The following CLDN14 variants were observed in gnomAD, a reference collection of about 807,000 sequenced individuals.
CLDN14 encodes the protein claudin 14, also known as claudin-14.
Under a neutral mutation model 2.1 loss-of-function variants are expected in CLDN14, and 2 were observed. The ratio of observed to expected loss-of-function variants is 0.96; its 90% confidence interval spans 0.39 to 3.01. The LOEUF (loss-of-function observed/expected upper bound fraction) is 3.01, where lower values mean the gene tolerates loss of function less well. Ranked by LOEUF, CLDN14 falls within the 30% of genes most tolerant of loss-of-function variation. The pLI, the probability that CLDN14 is intolerant of heterozygous loss-of-function variation, is 0.09. For missense variants in CLDN14, 298 were observed against 328.0 expected, an observed-to-expected ratio of 0.91 and a Z score of 0.71; for synonymous variants, 136 against 154.4, an observed-to-expected ratio of 0.88 and a Z score of 0.88.
At chr21:36,534,541 A>G (rs1412493046) in intron 1 of CLDN14, among the ~76,000 whole-genome samples, 1 of 152,170 alleles carries the variant, frequency 6.6e-6, no homozygotes, top group East Asian at 1.9e-4. Flanking sequence ...TTCCATATCA[A>G]CATGCCTTGT....
upstream of CLDN14, chr21:36,480,813 G>A (rs966837652): frequency 5.3e-5 from 8 of 152,098 alleles, no homozygotes; most frequent in African/African-American, 1.7e-4. Context: ...GTCTTCCACA[G>A]TGTGCATCAA....
upstream of CLDN14, among the ~76,000 whole-genome samples, chr21:36,482,910 G>A (rs1162564919): frequency 6.6e-6 from 1 of 152,212 alleles, no homozygotes; most frequent in Non-Finnish European, 1.5e-5. Context: ...AGCATTCTTT[G>A]TGTGCTAGCT....
intron 1 of CLDN14, among the ~76,000 whole-genome samples, chr21:36,522,492 C>G (rs947160976): frequency 6.6e-6 from 1 of 152,196 alleles, no homozygotes; most frequent in African/African-American, 2.4e-5. Context: ...CAGGAATTCC[C>G]TCCCCTCCAT....
Position 36,499,119 on chromosome 21 carries a change from T to C in CLDN14, c.-82+11244A>G, listed in dbSNP as rs1475509755. Among the ~76,000 whole-genome samples the C allele has an allele frequency of 6.6e-6, 1 of 152,136 alleles. No individual in the cohort carries two copies. Among genetic ancestry groups the C allele is most frequent in the Non-Finnish European group, 1.5e-5 (1 of 68,026 alleles). Reference sequence around the variant, plus strand: ...TTGAAGGAGGAGTAGAGAGATGATATCATTGACCACAGGACTCAAGAAATA... The same window carrying C: ...TTGAAGGAGGAGTAGAGAGATGATACCATTGACCACAGGACTCAAGAAATA... On this transcript the variant is annotated intron_variant, in intron 2 of 2. Coordinates refer to the CLDN14 transcript ENST00000342108. This position sits in a 1 kb window ranked among gnomAD's most constrained non-coding sequence, Gnocchi z 4.7.
intron 1 of CLDN14, among the ~76,000 whole-genome samples, chr21:36,562,143 G>A (rs1461414276): frequency 6.6e-6 from 1 of 152,172 alleles, no homozygotes; most frequent in Admixed American, 6.5e-5. Flanking sequence ...TGTATTCATA[G>A]GGGTAATGTC....
chr21:36,532,007 G>T (rs1425818865), intron 1 of CLDN14: 1 of 152,198 alleles, frequency 6.6e-6, no homozygotes, highest in Non-Finnish European at 1.5e-5. Flanking sequence ...TCATGGAAAA[G>T]TCACAGTGGC....
intron 1 of CLDN14, among the ~76,000 whole-genome samples, chr21:36,554,591 G>A (rs2087585375): frequency 6.6e-6 from 1 of 152,194 alleles, no homozygotes; most frequent in African/African-American, 2.4e-5. Context: ...TATGGGGAAG[G>A]CAAGGCACAG....
chr21:36,553,763 T>C lies in CLDN14; in HGVS notation c.-220+22648A>G, dbSNP rs1321133228. 2.6e-5 allele frequency among the ~76,000 whole-genome samples: 4 copies of C among 152,004 alleles called. No homozygotes were observed. The East Asian group carries it at 7.8e-4, about 30-fold the overall frequency. ...TCAGCAGCACCTGCCAAGAAGATAT[T>C]CTTACTCCCCTTTATGGTGAGGACA... On this transcript the variant is annotated intron_variant, in intron 1 of 2. Coordinates refer to the CLDN14 transcript ENST00000342108.
At chr21:36,546,631 G>A (rs1280287974) in intron 1 of CLDN14, among the ~76,000 whole-genome samples, 13 of 152,104 alleles carry the variant, frequency 8.5e-5, no homozygotes, top group African/African-American at 3.1e-4. Flanking sequence ...CAGACACAAT[G>A]TAAACGCTTA....
At chr21:36,560,022 GCAAAAGTCA>G (rs2087622853) in intron 1 of CLDN14, among the ~76,000 whole-genome samples, 1 of 152,142 alleles carries the variant, frequency 6.6e-6, no homozygotes, top group African/African-American at 2.4e-5. Flanking sequence ...TGGAATTAAA[GCAAAAGTCA>G]CAAGTGTTTG....
chr21:36,482,067 G>A (rs774782331), upstream of CLDN14, among the ~76,000 whole-genome samples: 16 of 152,118 alleles, frequency 1.1e-4, no homozygotes, highest in South Asian at 6.2e-4. Context: ...TTCCATCAAC[G>A]TCTGCCCTTG....
chr21:36,484,661 C>G (rs1221557710), upstream of CLDN14, among the ~76,000 whole-genome samples: 1 of 152,184 alleles, frequency 6.6e-6, no homozygotes, highest in Admixed American at 6.5e-5. Context: ...ACACGTCGTT[C>G]TCTTCTTATA....
rs368075377 is a variant in CLDN14 at position 36,496,375 on chromosome 21, C to T, written c.-82+13988G>A. On this transcript the variant is annotated intron_variant, in intron 2 of 2. Transcript: ENST00000342108. ...TCTCTTGAGCCCAGGAGGCTGAGGC[C>T]GCAGTGAGCCATGATCACACCACTA... Among the ~76,000 whole-genome samples, 5 of 148,906 alleles carry T rather than the reference C, an allele frequency of 3.4e-5. No homozygotes were observed. In the East Asian group the frequency reaches 6.0e-4, roughly 18 times the overall value.
chr21:36,497,875 C>G (rs149138138), intron 2 of CLDN14, among the ~76,000 whole-genome samples: 5 of 152,170 alleles, frequency 3.3e-5, no homozygotes, highest in Non-Finnish European at 7.3e-5. Context: ...GGGACTGCCC[C>G]GTGAGGCTGT....
intron 1 of CLDN14, among the ~76,000 whole-genome samples, chr21:36,479,190 C>T (rs945733643): frequency 6.6e-6 from 1 of 152,174 alleles, no homozygotes; most frequent in Non-Finnish European, 1.5e-5. Flanking sequence ...AGTCCTTCCT[C>T]CCAAACAGGC....
At chr21:36,490,725 G>A (rs2146462520) in intron 2 of CLDN14, among the ~76,000 whole-genome samples, 1 of 152,038 alleles carries the variant, frequency 6.6e-6, no homozygotes, top group South Asian at 2.1e-4. Context: ...TGTAGAGATG[G>A]GGTCTCTCTA....
intron 1 of CLDN14, among the ~76,000 whole-genome samples, chr21:36,562,705 T>C (rs1010725482): frequency 6.6e-6 from 1 of 152,186 alleles, no homozygotes; most frequent in African/African-American, 2.4e-5. Flanking sequence ...TGCTTTTTTT[T>C]TTTTTTCATG....
chr21:36,484,442 TTGTC>T (rs1442424419), upstream of CLDN14, among the ~76,000 whole-genome samples: 1 of 152,082 alleles, frequency 6.6e-6, no homozygotes, highest in African/African-American at 2.4e-5. Context: ...CAACAGACAT[TTGTC>T]TGTTGCCTTG....
chr21:36,556,551 T>C (rs1385837905), intron 1 of CLDN14, among the ~76,000 whole-genome samples: 1 of 152,238 alleles, frequency 6.6e-6, no homozygotes, highest in African/African-American at 2.4e-5. Flanking sequence ...TCCCTGACTA[T>C]GTCGCTTCTT....
Sources: gnomAD v4.1 joint callset for allele counts (sites outside exome capture counted in the v4.1 genomes callset) on GRCh38, gnomAD v4.1.1 for gene constraint, Gnocchi (gnomAD v3.1) non-coding constraint, MANE v1.5 for transcripts, NCBI Gene and HGNC (gene_info 2026-07-23, HGNC 2026-07-21) for gene names.